The following VAPA variants were observed in gnomAD, a reference collection of about 807,000 sequenced individuals.
VAPA encodes the protein vesicle-associated membrane protein-associated protein A.
VAPA carries 6 observed loss-of-function variants against 25.6 expected under a neutral mutation model. The ratio of observed to expected loss-of-function variants is 0.23; its 90% CI spans 0.13 to 0.46. The LOEUF (loss-of-function observed/expected upper bound fraction) is 0.46, where lower values mean the gene tolerates loss of function less well. Among genes scored for constraint, VAPA ranks in the 20% least tolerant of loss-of-function variants. VAPA has a pLI of 0.99. For synonymous variants in VAPA, 112 were observed against 106.2 expected (o/e 1.05, Z -0.34); for missense variants, 244 against 302.1 (o/e 0.81, Z 1.43).
rs569920107 is a variant in VAPA at position 9,947,181 on chromosome 18, A to G, written c.418-3214A>G. ...CTTAGAGTGTCCTTTTTGTTTTCGT[A>G]AGTAGAAGGAGTACACTCTAAAATA... On this transcript the variant is annotated intron_variant, in intron 4 of 5. Transcript: ENST00000400000. Among the ~76,000 whole-genome samples, 8 of 150,016 alleles carry G rather than the reference A, an allele frequency of 5.3e-5. No individual in the cohort carries two copies. In the East Asian group the frequency reaches 1.6e-3, roughly 30 times the overall value.
intron 4 of VAPA, 181 bp from the exon 5 acceptor site, chr18:9,950,214 G>T: frequency 1.7e-6 from 1 of 584,260 alleles, no homozygotes. Context: ...TACGTGCCAG[G>T]GATTATGGGA....
chr18:9,950,449 C>T lies in VAPA; in HGVS notation c.472C>T (p.Pro158Ser), dbSNP rs757669353. Residue 158 changes from proline to serine, a missense_variant, in exon 5 of 6, where the codon CCT becomes TCT. Pro to Ser is a moderately conservative substitution (Grantham distance 74). Around this residue, in one of 2 missense-constraint regions of VAPA, gnomAD observed 145 missense variants for 140.6 expected, o/e 1.03. Coordinates refer to ENST00000400000, the MANE Select transcript of VAPA (RefSeq NM_194434.3). ...ACTGAATGCATCTAAGCAAGATGGA[C>T]CTATGCCAAAACCACACAGTGTTTC... Reference protein sequence around the residue: ...VPLNASKQDGPMPKPHSVSLN... With the variant: ...VPLNASKQDGSMPKPHSVSLN... 1.9e-6 allele frequency: 3 copies of T among 1,614,028 alleles called. No homozygotes were observed. The highest frequency in any genetic ancestry group is 2.5e-6 in the Non-Finnish European group (3 of 1,179,992).
chr18:9,917,616 A>T (rs2069122673), intron 1 of VAPA, among the ~76,000 whole-genome samples: 1 of 152,218 alleles, frequency 6.6e-6, no homozygotes, highest in Non-Finnish European at 1.5e-5. Flanking sequence ...TTGAAGAAGA[A>T]AGTTTATAAA....
Position 9,914,209 on chromosome 18 carries a change from C to A in VAPA, c.-48C>A. ...GCCGCCGTCGTCCCCCGCCCCCAGT[C>A]AGCAAACCGCCGCCGCGGGCGCGCC... is the stretch of plus-strand genomic sequence containing the variant. On this transcript the variant is annotated 5_prime_UTR_variant, in exon 1 of 6. Coordinates refer to ENST00000400000, the MANE Select transcript of VAPA (RefSeq NM_194434.3). 1.3e-6 allele frequency: 2 copies of A among 1,530,904 alleles called. No homozygotes were observed. The highest frequency in any genetic ancestry group is 1.8e-6 in the Non-Finnish European group (2 of 1,134,930). 94.8% of individuals were successfully genotyped at this position (1,530,904 alleles called of 1,614,324 possible).
rs1469666708 is a variant in VAPA, at chr18:9,914,346, C to A, written c.79+11C>A. The stretch of plus-strand genomic sequence containing the variant: ...ACCTCAAATTCAAAGGTAGGCAGAA[C>A]GGGGACACCCCCGGGTGGGGTGGGG... On this transcript the variant is annotated intron_variant, in intron 1 of 5. Transcript: ENST00000400000. The A allele has an allele frequency of 1.9e-6, 3 of 1,570,752 alleles. No homozygotes were observed. Among genetic ancestry groups the A allele is most frequent in the African/African-American group, 2.8e-5 (2 of 70,420 alleles).
chr18:9,942,717 A>ACAGTTC (rs2069378474), intron 4 of VAPA, among the ~76,000 whole-genome samples: 1 of 152,112 alleles, frequency 6.6e-6, no homozygotes, highest in South Asian at 2.1e-4. Flanking sequence ...CGTGGTGGGA[A>ACAGTTC]CAGGAGCAAG....
At chr18:9,925,605 A>C (rs1439113418) in intron 1 of VAPA, among the ~76,000 whole-genome samples, 2 of 152,114 alleles carry the variant, frequency 1.3e-5, no homozygotes, top group African/African-American at 4.8e-5. Flanking sequence ...ACAAAGACCT[A>C]TTCATGGAGC....
rs754666530 is a variant in VAPA, at chr18:9,954,041, T to TG, written c.592-12_592-11insG. The TG allele has an allele frequency of 6.8e-6, 11 of 1,612,246 alleles. No individual in the cohort carries two copies. The highest frequency in any genetic ancestry group is 9.3e-6 in the Non-Finnish European group (11 of 1,179,432). The stretch of plus-strand genomic sequence containing the variant: ...TTTTTAAAAACCTTTTGTGTGTGTG[T>TG]TTTTTTTCTAGGATGAAGGTTTAAG... On this transcript the variant is annotated splice_polypyrimidine_tract_variant and intron_variant, in intron 5 of 5. Coordinates refer to ENST00000400000, the MANE Select transcript of VAPA (RefSeq NM_194434.3).
At chr18:9,953,211 A>G (rs1040452187) in intron 5 of VAPA, among the ~76,000 whole-genome samples, 6 of 152,358 alleles carry the variant, frequency 3.9e-5, no homozygotes, top group East Asian at 3.9e-4. Context: ...GTGTGAAGCC[A>G]TATCAGCAAG....
intron 2 of VAPA, among the ~76,000 whole-genome samples, chr18:9,933,153 A>G (rs1011748621): frequency 6.6e-6 from 1 of 152,034 alleles, no homozygotes; most frequent in African/African-American, 2.4e-5. Context: ...AGTAATCCTA[A>G]GATATTATAA....
rs957045197 is a variant in VAPA, at chr18:9,914,466, C to T, written c.79+131C>T. ...CCCCTCCCCCACGCCCCGGCGCCTT[C>T]CCTTTCCCGGCTGCTTTCTTGCCGC... On this transcript the variant is annotated intron_variant, in intron 1 of 5. Coordinates refer to ENST00000400000, the MANE Select transcript of VAPA (RefSeq NM_194434.3). 1.2e-4 allele frequency: 89 copies of T among 744,786 alleles called. 1 individual carries two copies. The Middle Eastern group carries it at 1.7e-3, about 14-fold the overall frequency. The allele number at this position is 744,786 out of a possible 1,614,324, so 46.1% of individuals were successfully genotyped here.
chr18:9,936,000 A>G (rs1420485695), intron 2 of VAPA, 110 bp from the exon 3 acceptor site: 3 of 660,600 alleles, frequency 4.5e-6, no homozygotes, highest in Admixed American at 3.4e-5. Context: ...ATTGCCAGAT[A>G]CGGTTTAAGG....
rs1479380883 is a variant in VAPA, at chr18:9,914,254, C to T, written c.-3C>T. The T allele has an allele frequency of 6.3e-7, 1 of 1,581,006 alleles. No homozygotes were observed. ...CGCGCCCCCGCTCTGCGCTGTCTCT[C>T]CGATGGCGTCCGCCTCAGGGGCCAT... is the stretch of plus-strand genomic sequence containing the variant. On this transcript the variant is annotated 5_prime_UTR_variant, in exon 1 of 6. Coordinates refer to ENST00000400000, the MANE Select transcript of VAPA (RefSeq NM_194434.3).
At chr18:9,952,958 G>A (rs887295423) in intron 5 of VAPA, among the ~76,000 whole-genome samples, 4 of 152,180 alleles carry the variant, frequency 2.6e-5, no homozygotes, top group African/African-American at 9.7e-5. Context: ...CTTTTAGTTA[G>A]TGTTTATTTA....
chr18:9,948,443 G>C (rs1297842864), intron 4 of VAPA: 3 of 152,172 alleles, frequency 2.0e-5, no homozygotes, highest in Admixed American at 2.0e-4. Context: ...AAGATTGTGA[G>C]AAATGACTTT....
At chr18:9,946,508 T>TA (rs2069425841) in intron 4 of VAPA, among the ~76,000 whole-genome samples, 1 of 151,976 alleles carries the variant, frequency 6.6e-6, no homozygotes, top group Non-Finnish European at 1.5e-5. Flanking sequence ...TAGTTAGTGT[T>TA]AGTGTTAGTG....
intron 3 of VAPA, 22 bp from the exon 4 acceptor site, chr18:9,936,964 G>T (rs1386358368): frequency 3.1e-6 from 5 of 1,605,846 alleles, no homozygotes; most frequent in Non-Finnish European, 4.3e-6. Flanking sequence ...TATGTCTCAT[G>T]TTTGGTTTTG....
At chr18:9,916,493 C>T (rs1034528267) in intron 1 of VAPA, among the ~76,000 whole-genome samples, 5 of 152,184 alleles carry the variant, frequency 3.3e-5, no homozygotes, top group South Asian at 2.1e-4. Flanking sequence ...AGTAAACACA[C>T]TGCTGTGAGA....
chr18:9,951,219 T>G (rs1463989337), intron 5 of VAPA: 1 of 152,376 alleles, frequency 6.6e-6, no homozygotes. Context: ...AGCATCTGTT[T>G]ATCACCCCTC....
Sources: gnomAD v4.1 joint callset for allele counts (sites outside exome capture counted in the v4.1 genomes callset) on GRCh38, gnomAD v4.1.1 for gene constraint, gnomAD v4.1.1 regional missense constraint, MANE v1.5 for transcripts, NCBI Gene and HGNC (gene_info 2026-07-23, HGNC 2026-07-21) for gene names.